Variants in PARL observed in about 807,000 individuals in gnomAD.
PARL encodes the protein presenilin associated rhomboid like.
Under a neutral mutation model 51.6 loss-of-function variants are expected in PARL, and 44 were observed. The ratio of observed to expected loss-of-function variants is 0.85; its 90% confidence interval spans 0.67 to 1.10. The LOEUF is 1.10. Among genes scored for constraint, PARL ranks in the 50% least tolerant of loss-of-function variants. The pLI is 0.00. For missense variants in PARL, 441 were observed against 469.5 expected, an observed-to-expected ratio of 0.94 and a Z score of 0.56; for synonymous variants, 172 against 164.0, an observed-to-expected ratio of 1.05 and a Z score of -0.37.
chr3:183,882,222 A>AAAAAAAT lies in PARL; in HGVS notation c.125+2499_125+2500insATTTTTT, dbSNP rs1401913573. On this transcript the variant is annotated intron_variant, in intron 1 of 9. Coordinates refer to ENST00000317096, the MANE Select transcript of PARL (RefSeq NM_018622.7). ...ATGTCTCTAAAAAAAAAAAAAAAAA[A>AAAAAAAT]ATATATATATATATATATATATTTA... 8.5e-4 allele frequency among the ~76,000 whole-genome samples: 39 copies of AAAAAAAT among 46,110 alleles called. 2 individuals carry two copies. The highest frequency in any genetic ancestry group is 3.7e-3 in the South Asian group (5 of 1,338). 30.2% of individuals were successfully genotyped at this position (46,110 alleles called of 152,430 possible).
rs192478892 is a variant in PARL at position 183,829,535 on chromosome 3, C to T, written c.*63G>A. 44 of 1,613,898 alleles carry T rather than the reference C, an allele frequency of 2.7e-5. No individual in the cohort carries two copies. The highest frequency in any genetic ancestry group is 5.3e-5 in the African/African-American group (4 of 75,042). On this transcript the variant is annotated 3_prime_UTR_variant, in exon 10 of 10. Transcript: ENST00000317096. ...GGAGCATAGCCATGGTCACTCTAGC[C>T]GATGTCTCCTGGGGCTCTCAGGCGG...
chr3:183,874,034 C>T (rs1354133051), intron 1 of PARL, among the ~76,000 whole-genome samples: 2 of 152,202 alleles, frequency 1.3e-5, no homozygotes, highest in Admixed American at 1.3e-4. Context: ...GGCAACCATA[C>T]ATCTAGCATG....
In PARL at chr3:183,840,745, G is replaced by A. The variant is rs60302554; in HGVS notation, c.758-105C>T. 9,887 of 626,820 alleles carry A rather than the reference G, an allele frequency of 0.016. 819 individuals carry two copies. In the African/African-American group the frequency reaches 0.18, roughly 11 times the overall value. 38.8% of individuals were successfully genotyped at this position (626,820 alleles called of 1,614,324 possible). A position where few individuals can be genotyped will look rare whatever the true frequency, so the allele number is the denominator to read the frequency against. On this transcript the variant is annotated intron_variant, in intron 6 of 9. Coordinates refer to ENST00000317096, the MANE Select transcript of PARL (RefSeq NM_018622.7). ...TTTTGAGACAGAGTTTCACTCTTTC[G>A]CCCCGGCTGCTGAAGTGCAGTGGTA... is the stretch of plus-strand genomic sequence containing the variant.
rs1227184865 is a variant in PARL at position 183,884,834 on chromosome 3, C to G, written c.13G>C (p.Gly5Arg). Residue 5 changes from glycine (G) to arginine (R), a missense_variant, in exon 1 of 10, where the codon GGC becomes CGC. Gly to Arg is a moderately radical substitution (Grantham distance 125). Transcript: ENST00000317096. Reference protein sequence around the residue: MAWRGWAQRGWGCGQ... With the variant: MAWRRWAQRGWGCGQ... Reference sequence around the variant, plus strand: ...CAGCCCCAGCCTCTCTGCGCCCAGCCTCGCCACGCCATCTTCCCAACCTCT... The same window carrying G: ...CAGCCCCAGCCTCTCTGCGCCCAGCGTCGCCACGCCATCTTCCCAACCTCT... The G allele has an allele frequency of 1.9e-6, 3 of 1,597,478 alleles. No homozygotes were observed. Among genetic ancestry groups the G allele is most frequent in the Non-Finnish European group, 2.5e-6 (3 of 1,179,386 alleles).
intron 1 of PARL, among the ~76,000 whole-genome samples, chr3:183,873,491 A>G (rs1161643372): frequency 6.6e-6 from 1 of 152,026 alleles, no homozygotes; most frequent in Non-Finnish European, 1.5e-5. Context: ...GTGAGGCGAG[A>G]TCACGCCATT....
intron 9 of PARL, among the ~76,000 whole-genome samples, chr3:183,831,871 A>G (rs1439970421): frequency 6.6e-6 from 1 of 152,246 alleles, no homozygotes; most frequent in African/African-American, 2.4e-5. Flanking sequence ...GTAAAGAGAA[A>G]GGATTCCTCC....
rs1033119286 is a variant in PARL, at chr3:183,840,082, CT to C, written c.828+487del. 3.5e-4 allele frequency among the ~76,000 whole-genome samples: 54 copies of C among 152,132 alleles called. 1 individual carries two copies. Among genetic ancestry groups the C allele is most frequent in the Non-Finnish European group, 8.8e-5 (6 of 68,032 alleles). ...ATATAAGAGCTCTGAGGGCAGGAGC[CT>C]TTTTTGTTGTTGTTGTTCCCCACTT... On this transcript the variant is annotated intron_variant, in intron 7 of 9. Coordinates refer to ENST00000317096, the MANE Select transcript of PARL (RefSeq NM_018622.7).
intron 1 of PARL, chr3:183,883,517 G>A: frequency 5.2e-6 from 4 of 771,772 alleles, no homozygotes; most frequent in Non-Finnish European, 6.3e-6. Context: ...TGATCCACCT[G>A]CCTCAGCCTC....
At chr3:183,862,685 G>A (rs527370448) in intron 4 of PARL, 68 bp downstream of exon 4, 1 of 1,203,050 alleles carries the variant, frequency 8.3e-7, no homozygotes, top group African/African-American at 1.5e-5. Flanking sequence ...CATTGCTTGT[G>A]ACATACTGTA....
intron 1 of PARL, among the ~76,000 whole-genome samples, chr3:183,873,495 C>T (rs564708648): frequency 3.3e-5 from 5 of 151,840 alleles, no homozygotes; most frequent in East Asian, 3.9e-4. Flanking sequence ...GGCGAGATCA[C>T]GCCATTGCAC....
chr3:183,838,456 T>C (rs1167451188), intron 7 of PARL, among the ~76,000 whole-genome samples: 1 of 152,274 alleles, frequency 6.6e-6, no homozygotes, highest in Non-Finnish European at 1.5e-5. Context: ...CCTGGTGATT[T>C]AATTTCCTTG....
At chr3:183,837,243 C>A (rs897102881) in intron 7 of PARL, among the ~76,000 whole-genome samples, 4 of 152,166 alleles carry the variant, frequency 2.6e-5, no homozygotes, top group African/African-American at 9.7e-5. Flanking sequence ...AGCTAGGAAG[C>A]CTGAGATTCA....
intron 5 of PARL, among the ~76,000 whole-genome samples, chr3:183,842,807 C>CAAAAAAAAA (rs370931513): frequency 1.8e-5 from 1 of 54,088 alleles, no homozygotes; most frequent in African/African-American, 7.6e-5. Context: ...GACTCTATCT[C>CAAAAAAAAA]AAAAAAAAAA....
At chr3:183,878,224 G>T (rs1734065950) in intron 1 of PARL, among the ~76,000 whole-genome samples, 1 of 152,146 alleles carries the variant, frequency 6.6e-6, no homozygotes, top group African/African-American at 2.4e-5. Flanking sequence ...TAGTCTAGCG[G>T]GGGCTTCTAC....
intron 4 of PARL, among the ~76,000 whole-genome samples, chr3:183,858,124 C>T (rs1204017280): frequency 6.6e-6 from 1 of 152,160 alleles, no homozygotes; most frequent in African/African-American, 2.4e-5. Context: ...ATTAACTTTG[C>T]TATTCTTCTA....
At position 183,842,458 on chromosome 3, in the gene PARL, G is replaced by C; in HGVS notation, c.608-11C>G. On this transcript the variant is annotated splice_polypyrimidine_tract_variant and intron_variant, in intron 5 of 9. Coordinates refer to ENST00000317096, the MANE Select transcript of PARL (RefSeq NM_018622.7). The stretch of plus-strand genomic sequence containing the variant: ...GAGAACAAAGGACCTCTACAAGAGA[G>C]AGAAACATAGTCTGGTAATCATGAA... 6.2e-7 allele frequency: 1 copy of C among 1,610,454 alleles called. No individual in the cohort carries two copies. Among genetic ancestry groups the C allele is most frequent in the East Asian group, 2.2e-5 (1 of 44,858 alleles).
intron 7 of PARL, 32 bp downstream of exon 7, chr3:183,840,538 A>C (rs1729168210): frequency 9.3e-7 from 1 of 1,069,766 alleles, no homozygotes. Flanking sequence ...TTAAAAATTA[A>C]ATTAAAAAAA....
At chr3:183,854,374 T>C (rs1730895026) in intron 4 of PARL, among the ~76,000 whole-genome samples, 1 of 152,098 alleles carries the variant, frequency 6.6e-6, no homozygotes, top group South Asian at 2.1e-4. Context: ...ATAAACAAAA[T>C]GTGATATACA....
In PARL at chr3:183,844,303, C is replaced by G; in HGVS notation, c.535G>C (p.Val179Leu). The change falls in exon 5 of 10, where the codon GTA (valine) becomes CTA (leucine). Residue 179 changes from valine (V) to leucine (L), a missense_variant. Val to Leu is a conservative substitution (Grantham distance 32, BLOSUM62 1). Coordinates refer to ENST00000317096, the MANE Select transcript of PARL (RefSeq NM_018622.7). ...VTGIIAANVL[V>L]FCLWRVPSLQ... Reference sequence around the variant, plus strand: ...GAAGGTACTCTCCATAAACAGAATACAAGGACATTTGCAGCTATAATACCT... The same window carrying G: ...GAAGGTACTCTCCATAAACAGAATAGAAGGACATTTGCAGCTATAATACCT... The G allele has an allele frequency of 1.2e-6, 2 of 1,603,900 alleles. No homozygotes were observed. The highest frequency in any genetic ancestry group is 8.5e-7 in the Non-Finnish European group (1 of 1,170,866).
Sources: gnomAD v4.1 joint callset for allele counts (sites outside exome capture counted in the v4.1 genomes callset) on GRCh38, gnomAD v4.1.1 for gene constraint, MANE v1.5 for transcripts, NCBI Gene and HGNC (gene_info 2026-07-23, HGNC 2026-07-21) for gene names.